Variants in FHIT observed in about 807,000 individuals in gnomAD.
FHIT encodes bis(5'-adenosyl)-triphosphatase.
FHIT carries 19 observed loss-of-function variants against 17.9 expected under a neutral mutation model. That is an observed-to-expected ratio of 1.06 (90% confidence interval 0.74 to 1.56). The LOEUF is 1.56. Ranked by LOEUF, FHIT falls within the 40% of genes most tolerant of loss-of-function variation. FHIT has a pLI of 0.00. For missense variants in FHIT, 248 were observed against 189.2 expected (o/e 1.31, Z -1.82); for synonymous variants, 81 against 69.7 (o/e 1.16, Z -0.81).
chr3:61,115,418 AGG>A (rs2036272885), intron 2 of FHIT, among the ~76,000 whole-genome samples: 1 of 152,096 alleles, frequency 6.6e-6, no homozygotes, highest in Non-Finnish European at 1.5e-5. Context: ...AAGCACAAGG[AGG>A]CTGGAGCAAT....
chr3:60,744,622 G>A (rs1283786736), intron 4 of FHIT, among the ~76,000 whole-genome samples: 1 of 152,208 alleles, frequency 6.6e-6, no homozygotes, highest in Non-Finnish European at 1.5e-5. Flanking sequence ...CATCAATGGT[G>A]TCCTGCATTT....
At chr3:61,203,872 G>A (rs141282943) in intron 1 of FHIT, among the ~76,000 whole-genome samples, 7 of 152,322 alleles carry the variant, frequency 4.6e-5, no homozygotes, top group African/African-American at 9.6e-5. Context: ...CCTTACACAT[G>A]TACTCACAGA....
intron 8 of FHIT, among the ~76,000 whole-genome samples, chr3:59,868,433 C>G (rs612759): frequency 0.55 from 83,841 of 152,020 alleles, 24,399 homozygotes; most frequent in African/African-American, 0.75. Context: ...TCAATGGACT[C>G]TGAAAAGAAA....
chr3:59,898,634 GA>G (rs1228940976), intron 8 of FHIT, among the ~76,000 whole-genome samples: 1 of 152,042 alleles, frequency 6.6e-6, no homozygotes, highest in African/African-American at 2.4e-5. Context: ...ATCCTCTACA[GA>G]ATCTTTTTTT....
At chr3:60,530,375 G>T (rs1305517887) in intron 5 of FHIT, among the ~76,000 whole-genome samples, 1 of 152,170 alleles carries the variant, frequency 6.6e-6, no homozygotes, top group Non-Finnish European at 1.5e-5. Context: ...CCAGGGCAAA[G>T]TGCACAAAGT....
intron 3 of FHIT, among the ~76,000 whole-genome samples, chr3:60,990,131 C>A (rs1025316159): frequency 6.6e-6 from 1 of 152,160 alleles, no homozygotes; most frequent in Non-Finnish European, 1.5e-5. Context: ...ATGCAAGATT[C>A]TAAGAGCAAT....
At chr3:60,312,143 G>A (rs1001514879) in intron 5 of FHIT, among the ~76,000 whole-genome samples, 1 of 151,974 alleles carries the variant, frequency 6.6e-6, no homozygotes, top group East Asian at 1.9e-4. Flanking sequence ...GTACTAATGG[G>A]ATAAAAAAAT....
At chr3:60,403,674 G>T (rs1206815179) in intron 5 of FHIT, among the ~76,000 whole-genome samples, 1 of 152,128 alleles carries the variant, frequency 6.6e-6, no homozygotes, top group East Asian at 1.9e-4. Flanking sequence ...CTGCTGAGAG[G>T]CAAAGATGAA....
chr3:60,069,467 C>A (rs17258872), intron 5 of FHIT, among the ~76,000 whole-genome samples: 13,337 of 152,202 alleles, frequency 0.088, 697 homozygotes, highest in Non-Finnish European at 0.11. Context: ...TGAGCACATA[C>A]ATTACATAAA....
intron 3 of FHIT, among the ~76,000 whole-genome samples, chr3:60,962,377 C>T (rs187066509): frequency 3.3e-4 from 50 of 152,214 alleles, no homozygotes; most frequent in African/African-American, 1.2e-3. Context: ...CATCTGCAAA[C>T]AGGGACAATT....
chr3:61,003,216 C>A (rs1264740986), intron 3 of FHIT, among the ~76,000 whole-genome samples: 1 of 152,128 alleles, frequency 6.6e-6, no homozygotes, highest in Non-Finnish European at 1.5e-5. Flanking sequence ...AGACCCATAC[C>A]ATTTGCCTGT....
Position 59,752,349 on chromosome 3 carries a change from C to T in FHIT, c.349-28G>A, listed in dbSNP as rs747293861. On this transcript the variant is annotated intron_variant, in intron 8 of 9. Coordinates refer to ENST00000492590, the MANE Select transcript of FHIT (RefSeq NM_002012.4). ...TTGGAGAAAAAAAAAGGAAGAGGCT[C>T]TTTCATGGGCCCTTGGGATCTCCTT... 5.1e-6 allele frequency: 8 copies of T among 1,567,338 alleles called. No individual in the cohort carries two copies. In the East Asian group the frequency reaches 1.8e-4, roughly 35 times the overall value.
intron 4 of FHIT, among the ~76,000 whole-genome samples, chr3:60,657,392 A>T (rs1392280281): frequency 6.6e-6 from 1 of 152,150 alleles, no homozygotes; most frequent in Non-Finnish European, 1.5e-5. Context: ...GGAAACACTG[A>T]CCTCAAATGG....
intron 5 of FHIT, among the ~76,000 whole-genome samples, chr3:60,507,339 A>G (rs11922239): frequency 0.45 from 67,698 of 151,996 alleles, 15,292 homozygotes; most frequent in African/African-American, 0.49. Context: ...TGGGCATGAA[A>G]GAAAGAGGGA....
chr3:59,970,372 A>T (rs1708120287), intron 7 of FHIT, among the ~76,000 whole-genome samples: 1 of 152,120 alleles, frequency 6.6e-6, no homozygotes, highest in South Asian at 2.1e-4. Context: ...GCTCATCCCA[A>T]CAGATGTTTA....
At chr3:60,280,694 G>C (rs978788336) in intron 5 of FHIT, among the ~76,000 whole-genome samples, 1 of 152,058 alleles carries the variant, frequency 6.6e-6, no homozygotes, top group African/African-American at 2.4e-5. Context: ...CTGGCTTTCA[G>C]AACTGTCAGG....
chr3:60,478,026 A>T (rs909016779), intron 5 of FHIT, among the ~76,000 whole-genome samples: 1 of 152,194 alleles, frequency 6.6e-6, no homozygotes, highest in African/African-American at 2.4e-5. Context: ...AGCAGAAAAT[A>T]ATAATTGCAA....
chr3:59,902,120 C>T (rs972142166), intron 8 of FHIT, among the ~76,000 whole-genome samples: 1 of 151,990 alleles, frequency 6.6e-6, no homozygotes, highest in Non-Finnish European at 1.5e-5. Flanking sequence ...GTAAAATAAC[C>T]CAATTAAAAA....
At chr3:61,207,994 A>C (rs552408424) in intron 1 of FHIT, among the ~76,000 whole-genome samples, 47 of 152,104 alleles carry the variant, frequency 3.1e-4, no homozygotes, top group East Asian at 2.5e-3. Context: ...GAATGGGTCC[A>C]AGAGATTCTG....
Sources: gnomAD v4.1 joint callset for allele counts (sites outside exome capture counted in the v4.1 genomes callset) on GRCh38, gnomAD v4.1.1 for gene constraint, MANE v1.5 for transcripts, NCBI Gene and HGNC (gene_info 2026-07-23, HGNC 2026-07-21) for gene names.